HRNR: variants seen among roughly 807,000 people sequenced by gnomAD.
The protein encoded by HRNR is hornerin.
Under a neutral mutation model 4.8 loss-of-function variants are expected in HRNR, and 7 were observed. That is an observed-to-expected ratio of 1.47 (90% CI 0.83 to 2.75). The LOEUF is 2.75. Ranked by LOEUF, HRNR falls within the 30% of genes most tolerant of loss-of-function variation. The pLI is 0.00. For missense variants in HRNR, 2,879 were observed against 3,010.4 expected (o/e 0.96, Z 1.02); for synonymous variants, 1,023 against 1,242.7 (o/e 0.82, Z 3.72).
intron 2 of HRNR, among the ~76,000 whole-genome samples, chr1:152,221,740 T>C (rs892966787): frequency 1.3e-5 from 2 of 152,216 alleles, no homozygotes; most frequent in Non-Finnish European, 2.9e-5. Flanking sequence ...GGGCTGATTA[T>C]TTTTGGTAAA....
In HRNR at chr1:152,221,136, A is replaced by G; in HGVS notation, c.493T>C (p.Phe165Leu). 6.2e-7 allele frequency: 1 copy of G among 1,614,232 alleles called. No homozygotes were observed. Among genetic ancestry groups the G allele is most frequent in the Non-Finnish European group, 8.5e-7 (1 of 1,180,040 alleles). The change falls in exon 3 of 3, where the codon TTT becomes CTT. Residue 165 changes from phenylalanine to leucine, a missense_variant. Transcript: ENST00000368801. ...GAGTAGGAGTTATGTTGGCCAGAAA[A>G]GTCTCTTTGAAAACTCAGTCTTCTG... ...ISRRLSFQRD[F>L]SGQHNSYSGQ...
Position 152,218,779 on chromosome 1 carries a change from G to T in HRNR, c.2850C>A (p.Gly950=). 6.2e-7 allele frequency: 1 copy of T among 1,613,580 alleles called. No individual in the cohort carries two copies. The highest frequency in any genetic ancestry group is 8.5e-7 in the Non-Finnish European group (1 of 1,179,980). Reference sequence around the variant, plus strand: ...GTTCGTAGCTGGAGGAGTGACCTGAGCCAGATCCATGCTGAGTGTAACCAG... The same window carrying T: ...GTTCGTAGCTGGAGGAGTGACCTGATCCAGATCCATGCTGAGTGTAACCAG... ...QSSGYTQHGS[G]SGHSSSYEQH... is the part of the protein sequence containing the mutation. Residue 950 remains glycine (G), a synonymous_variant, in exon 3 of 3, where the codon GGC becomes GGA. Coordinates refer to ENST00000368801, the MANE Select transcript of HRNR (RefSeq NM_001009931.3).
rs754526252 is a variant in HRNR, at chr1:152,221,402, A to G, written c.227T>C (p.Leu76Pro). The change falls in exon 3 of 3, where the codon CTG becomes CCG. Residue 76 changes from leucine (L) to proline (P), a missense_variant. This residue lies in a region of HRNR where 2,646 missense variants were observed against 1,377.7 expected (regional missense o/e 1.92). Transcript: ENST00000368801. ...NKKVDFTEYL[L>P]MIFKLVQARN... is the part of the protein sequence containing the mutation. ...AGCCTGAACCAGCTTGAATATCATC[A>G]GAAGATACTCAGTAAAATCCACTTT... The G allele has an allele frequency of 1.9e-6, 3 of 1,613,362 alleles. No individual in the cohort carries two copies. Among genetic ancestry groups the G allele is most frequent in the African/African-American group, 1.3e-5 (1 of 75,020 alleles).
chr1:152,219,366 G>A lies in HRNR; in HGVS notation c.2263C>T (p.His755Tyr). The change falls in exon 3 of 3, where the codon CAT (histidine) becomes TAT (tyrosine). Residue 755 changes from histidine (H) to tyrosine (Y), a missense_variant. Coordinates refer to ENST00000368801, the MANE Select transcript of HRNR (RefSeq NM_001009931.3). ...SSGLSSSYGQHGSGSHQSSGH... is the reference protein window; with the variant it reads ...SSGLSSSYGQYGSGSHQSSGH... ...GAAGATTGATGGGAGCCCGACCCAT[G>A]CTGACCATAGCTGGAAGACAAACCT... 2 of 1,614,104 alleles carry A rather than the reference G, an allele frequency of 1.2e-6. No individual in the cohort carries two copies. Among genetic ancestry groups the A allele is most frequent in the African/African-American group, 2.7e-5 (2 of 74,996 alleles).
intron 2 of HRNR, among the ~76,000 whole-genome samples, chr1:152,221,953 AAT>A (rs1466882345): frequency 1.3e-5 from 2 of 152,258 alleles, no homozygotes; most frequent in African/African-American, 2.4e-5. Context: ...CCTGAAAAAA[AAT>A]GGAATTTAAA....
At chr1:152,224,114 C>T (rs1649090183) in intron 1 of HRNR, 29 bp downstream of exon 1, 1 of 152,030 alleles carries the variant, frequency 6.6e-6, no homozygotes, top group African/African-American at 2.4e-5. Flanking sequence ...CCCTAAGTAC[C>T]CTTGAGCGGA....
In HRNR at chr1:152,220,414, A is replaced by C. The variant is rs1409749921; in HGVS notation, c.1215T>G (p.Ser405=). The C allele has an allele frequency of 2.5e-6, 4 of 1,614,058 alleles. No individual in the cohort carries two copies. Among genetic ancestry groups the C allele is most frequent in the East Asian group, 2.2e-5 (1 of 44,872 alleles). The part of the protein sequence containing the change: ...RQSSSYGQHE[S]ASRHSSGRGQ... ...CGCGGCCTGAAGAGTGACGGGAGGC[A>C]GACTCATGCTGACCATAGCTGGAAG... The change falls in exon 3 of 3, where the codon TCT becomes TCG. Residue 405 remains serine (S), a synonymous_variant. Transcript: ENST00000368801.
At chr1:152,224,077 C>G (rs1478436394) in intron 1 of HRNR, 66 bp downstream of exon 1, 2 of 152,090 alleles carry the variant, frequency 1.3e-5, no homozygotes, top group African/African-American at 2.4e-5. Context: ...TGCCTTAGAG[C>G]ACATCCTGGA....
In HRNR at chr1:152,219,953, C is replaced by T; in HGVS notation, c.1676G>A (p.Gly559Asp). 1.2e-6 allele frequency: 2 copies of T among 1,613,194 alleles called. No individual in the cohort carries two copies. The highest frequency in any genetic ancestry group is 1.1e-5 in the South Asian group (1 of 91,012). The change falls in exon 3 of 3, where the codon GGC becomes GAC. Residue 559 changes from glycine (G) to aspartate (D), a missense_variant. By Grantham distance (94) the Gly-to-Asp change is moderately conservative. Transcript: ENST00000368801. ...ESGSRQSSSYGPHGYGSGRSS... is the reference protein window; with the variant it reads ...ESGSRQSSSYDPHGYGSGRSS... ...CCTCCCTGAGCCATACCCATGTGGGCCATAGCTGGAAGACTGCCTGGAACC... is the reference window on the plus strand; with the variant it reads ...CCTCCCTGAGCCATACCCATGTGGGTCATAGCTGGAAGACTGCCTGGAACC...
chr1:152,221,149 A>G lies in HRNR; in HGVS notation c.480T>C (p.Ser160=). ...PGTESISRRL[S]FQRDFSGQHN... The stretch of plus-strand genomic sequence containing the variant: ...GTTGGCCAGAAAAGTCTCTTTGAAA[A>G]CTCAGTCTTCTGGATATGGATTCAG... The change falls in exon 3 of 3, where the codon AGT becomes AGC. Residue 160 remains serine, a synonymous_variant. Coordinates refer to ENST00000368801, the MANE Select transcript of HRNR (RefSeq NM_001009931.3). The G allele has an allele frequency of 1.2e-6, 2 of 1,613,856 alleles. No homozygotes were observed. The highest frequency in any genetic ancestry group is 1.7e-6 in the Non-Finnish European group (2 of 1,179,952).
chr1:152,221,038 A>C lies in HRNR; in HGVS notation c.591T>G (p.Ser197=). 2.5e-6 allele frequency: 4 copies of C among 1,613,438 alleles called. No individual in the cohort carries two copies. The highest frequency in any genetic ancestry group is 1.7e-5 in the Admixed American group (1 of 59,974). Reference sequence around the variant, plus strand: ...CATAGTTGGGAGACTGCCCTGACCCAGACCCACATTGGCCGCGGCCTGAAG... The same window carrying C: ...CATAGTTGGGAGACTGCCCTGACCCCGACCCACATTGGCCGCGGCCTGAAG... ...HQSSGRGQCG[S]GSGQSPNYGQ... Residue 197 remains serine (S), a synonymous_variant, in exon 3 of 3, where the codon TCT becomes TCG. Transcript: ENST00000368801.
Position 152,218,910 on chromosome 1 carries a change from C to T in HRNR, c.2719G>A (p.Gly907Ser), listed in dbSNP as rs1328783206. 3.1e-6 allele frequency: 5 copies of T among 1,613,694 alleles called. No individual in the cohort carries two copies. Among genetic ancestry groups the T allele is most frequent in the African/African-American group, 2.7e-5 (2 of 74,904 alleles). The change falls in exon 3 of 3, where the codon GGC becomes AGC. Residue 907 changes from glycine (G) to serine (S), a missense_variant. By Grantham distance (56) the Gly-to-Ser change is moderately conservative. Around this residue, in one of 8 missense-constraint regions of HRNR, gnomAD observed 2,646 missense variants for 1,377.7 expected, o/e 1.92. Transcript: ENST00000368801. ...GSGSGQSPSY[G>S]RHGSGSGRSS... Reference sequence around the variant, plus strand: ...CGACCGGAGCCAGACCCATGTCGGCCATAGCTGGGAGACTGCCCTGACCCA... The same window carrying T: ...CGACCGGAGCCAGACCCATGTCGGCTATAGCTGGGAGACTGCCCTGACCCA...
chr1:152,220,283 G>T lies in HRNR; in HGVS notation c.1346C>A (p.Ser449Tyr). 1 of 1,614,084 alleles carries T rather than the reference G, an allele frequency of 6.2e-7. No homozygotes were observed. Among genetic ancestry groups the T allele is most frequent in the Non-Finnish European group, 8.5e-7 (1 of 1,179,994 alleles). ...SGQHGTGFGR[S>Y]SSSGPYVSGS... is the part of the protein sequence containing the mutation. ...AGACACATATGGGCCACTGCTGGAA[G>T]ATCGACCAAAGCCAGTCCCATGTTG... is the stretch of plus-strand genomic sequence containing the variant. The change falls in exon 3 of 3, where the codon TCT becomes TAT. Residue 449 changes from serine to tyrosine, a missense_variant. By Grantham distance (144) the Ser-to-Tyr change is moderately radical. This residue lies in a region of HRNR where 2,646 missense variants were observed against 1,377.7 expected (regional missense o/e 1.92). Transcript: ENST00000368801.
rs753724982 is a variant in HRNR, at chr1:152,219,535, A to T, written c.2094T>A (p.Ser698=). 1.2e-6 allele frequency: 2 copies of T among 1,613,782 alleles called. No homozygotes were observed. Among genetic ancestry groups the T allele is most frequent in the African/African-American group, 2.7e-5 (2 of 74,794 alleles). Residue 698 remains serine, a synonymous_variant, in exon 3 of 3, where the codon TCT becomes TCA. Transcript: ENST00000368801. ...AGCCAGACTTGTGACCAAAGCCGGAAGACTGGCCTGAGACAGACCCATGTG... is the reference window on the plus strand; with the variant it reads ...AGCCAGACTTGTGACCAAAGCCGGATGACTGGCCTGAGACAGACCCATGTG... ...NGPHGSVSGQ[S]SGFGHKSGSG...
rs145282902 is a variant in HRNR at position 152,219,980 on chromosome 1, G to T, written c.1649C>A (p.Ser550Tyr). 2,556 of 1,613,282 alleles carry T rather than the reference G, an allele frequency of 1.6e-3. 6 individuals carry two copies. Among genetic ancestry groups the T allele is most frequent in the Non-Finnish European group, 2.0e-3 (2,407 of 1,179,830 alleles). Residue 550 changes from serine (S) to tyrosine (Y), a missense_variant, in exon 3 of 3, where the codon TCT becomes TAT. Transcript: ENST00000368801. Reference protein sequence around the residue: ...SPSPSRGRHESGSRQSSSYGP... With the variant: ...SPSPSRGRHEYGSRQSSSYGP... ...ATAGCTGGAAGACTGCCTGGAACCA[G>T]ACTCATGTCGGCCACGGCTAGGGCT...
Position 152,218,608 on chromosome 1 carries a change from A to T in HRNR, c.3021T>A (p.Pro1007=). 12 of 1,609,006 alleles carry T rather than the reference A, an allele frequency of 7.5e-6. No homozygotes were observed. Among genetic ancestry groups the T allele is most frequent in the Non-Finnish European group, 1.0e-5 (12 of 1,178,576 alleles). The change falls in exon 3 of 3, where the codon CCT becomes CCA. Residue 1007 remains proline (P), a synonymous_variant. Coordinates refer to ENST00000368801, the MANE Select transcript of HRNR (RefSeq NM_001009931.3). Reference sequence around the variant, plus strand: ...ACCCATGTCGGCCACGGCTAGGGCTAGGAGACTGGCCAGATCCAGACCCAT... The same window carrying T: ...ACCCATGTCGGCCACGGCTAGGGCTTGGAGACTGGCCAGATCCAGACCCAT... ...GQHGSGSGQS[P]SPSRGRHGSG... is the part of the protein sequence containing the mutation.
Position 152,219,265 on chromosome 1 carries a change from G to T in HRNR, c.2364C>A (p.Ser788=). The part of the protein sequence containing the change: ...RVRHGSSSGH[S]SSHGQHGSGT... ...CAGACCCGTGTTGGCCGTGGCTGGA[G>T]GAGTGCCCTGAACTGGACCCATGTC... Residue 788 remains serine (S), a synonymous_variant, in exon 3 of 3, where the codon TCC becomes TCA. Coordinates refer to ENST00000368801, the MANE Select transcript of HRNR (RefSeq NM_001009931.3). The T allele has an allele frequency of 6.2e-7, 1 of 1,608,456 alleles. No individual in the cohort carries two copies. Among genetic ancestry groups the T allele is most frequent in the Admixed American group, 1.7e-5 (1 of 59,530 alleles).
In HRNR at chr1:152,220,312, G is replaced by A. The variant is rs775706708; in HGVS notation, c.1317C>T (p.Ser439=). The part of the protein sequence containing the change: ...RGSGSGQSPS[S]GQHGTGFGRS... ...GACCAAAGCCAGTCCCATGTTGGCC[G>A]GAGCTGGGAGACTGCCCTGACCCAG... The change falls in exon 3 of 3, where the codon TCC becomes TCT. Residue 439 remains serine (S), a synonymous_variant. Transcript: ENST00000368801. The A allele has an allele frequency of 5.8e-5, 93 of 1,613,344 alleles. No individual in the cohort carries two copies. In the Middle Eastern group the frequency reaches 6.6e-4, roughly 11 times the overall value.
Position 152,213,030 on chromosome 1 carries a change from T to C in HRNR, c.*46A>G. 1 of 1,571,122 alleles carries C rather than the reference T, an allele frequency of 6.4e-7. No homozygotes were observed. The highest frequency in any genetic ancestry group is 8.6e-7 in the Non-Finnish European group (1 of 1,159,940). ...ATGATGAATTCATAGATGACTTTCC[T>C]ATTTCTTAAATTGCTACTTGAGTAA... On this transcript the variant is annotated 3_prime_UTR_variant, in exon 3 of 3. Coordinates refer to ENST00000368801, the MANE Select transcript of HRNR (RefSeq NM_001009931.3).
Sources: allele counts gnomAD v4.1 joint callset (sites outside exome capture counted in the v4.1 genomes callset), GRCh38; gene constraint gnomAD v4.1.1; regional missense constraint gnomAD v4.1.1; transcripts MANE v1.5; gene names NCBI Gene and HGNC (gene_info 2026-07-23, HGNC 2026-07-21).